Variants in KDM2A observed in about 807,000 individuals in gnomAD.
KDM2A encodes the protein lysine-specific demethylase 2A.
In KDM2A, 3 loss-of-function variants were observed where a neutral mutation model predicts 137.3. That is an observed-to-expected ratio of 0.02 (90% confidence interval 0.01 to 0.06). The LOEUF is 0.06. Ranked by LOEUF, KDM2A falls within the 10% of genes least tolerant of loss-of-function variation. KDM2A has a pLI of 1.00. For missense variants in KDM2A, 738 were observed against 1,510.6 expected (o/e 0.49, Z 8.48); for synonymous variants, 512 against 541.5 (o/e 0.95, Z 0.76).
intron 1 of KDM2A, among the ~76,000 whole-genome samples, chr11:67,120,334 C>T (rs982584830): frequency 6.6e-6 from 1 of 152,180 alleles, no homozygotes; most frequent in African/African-American, 2.4e-5. Flanking sequence ...GTCATCGGGT[C>T]CTCTGGTCTC....
chr11:67,191,601 C>T (rs1490147197), intron 5 of KDM2A, among the ~76,000 whole-genome samples: 1 of 152,168 alleles, frequency 6.6e-6, no homozygotes, highest in African/African-American at 2.4e-5. Flanking sequence ...ACATGATCAT[C>T]TCAATTGACA....
At chr11:67,134,717 C>A (rs1855934060) in intron 2 of KDM2A, among the ~76,000 whole-genome samples, 1 of 152,048 alleles carries the variant, frequency 6.6e-6, no homozygotes, top group African/African-American at 2.4e-5. Flanking sequence ...GTTGACTAGG[C>A]TGGTCTCGAA....
intron 12 of KDM2A, among the ~76,000 whole-genome samples, chr11:67,234,295 G>C (rs774319441): frequency 3.9e-5 from 6 of 152,190 alleles, no homozygotes; most frequent in Non-Finnish European, 8.8e-5. Context: ...GGTGCTTATA[G>C]CACTGATGGC....
At position 67,181,458 on chromosome 11, in the gene KDM2A, A is replaced by G. The variant is rs1169276818; in HGVS notation, c.260+60A>G. On this transcript the variant is annotated intron_variant, in intron 4 of 20. Transcript: ENST00000529006. The stretch of plus-strand genomic sequence containing the variant: ...AAATGGCCTCGTTACACCCAGGGCA[A>G]TAAACAGTGGTGGTATTGATAACCC... The G allele has an allele frequency of 1.1e-5, 12 of 1,111,458 alleles. No homozygotes were observed. The African/African-American group carries it at 1.5e-4, about 14-fold the overall frequency. The allele number at this position is 1,111,458 out of a possible 1,614,324, so 68.8% of individuals were successfully genotyped here. A position where few individuals can be genotyped will look rare whatever the true frequency, so the allele number is the denominator to read the frequency against.
intron 5 of KDM2A, among the ~76,000 whole-genome samples, chr11:67,198,479 T>C (rs1429791436): frequency 2.0e-5 from 3 of 152,042 alleles, no homozygotes; most frequent in Non-Finnish European, 4.4e-5. Flanking sequence ...TCCCAGCACT[T>C]TGGGAGGCCG....
Position 67,246,113 on chromosome 11 carries a change from C to T in KDM2A, c.1962C>T (p.Leu654=), listed in dbSNP as rs747401008. 6.5e-5 allele frequency: 105 copies of T among 1,613,640 alleles called. No individual in the cohort carries two copies. The highest frequency in any genetic ancestry group is 8.3e-5 in the Non-Finnish European group (98 of 1,179,794). The stretch of plus-strand genomic sequence containing the variant: ...ATGAGATTGTTCATCCTGGCTGCCT[C>T]CAGGTGAGGAGAGCTATGAGGGGTT... ...ICNEIVHPGC[L]QMDGEGLLNE... Residue 654 remains leucine, a synonymous_variant, in exon 15 of 21, where the codon CTC becomes CTT. Transcript: ENST00000529006.
intron 2 of KDM2A, among the ~76,000 whole-genome samples, chr11:67,142,749 ATTTG>A (rs1397886393): frequency 6.6e-6 from 1 of 151,920 alleles, no homozygotes; most frequent in Non-Finnish European, 1.5e-5. Flanking sequence ...TCAATTATGT[ATTTG>A]TTTTTCTGTG....
In KDM2A at chr11:67,253,614, A is replaced by G. The variant is rs368728916; in HGVS notation, c.3091+3A>G. ...TACTCCACCGGCTGATAAACCAGGTATGCTCTGGACCTGACTTCTCTGTGC... is the reference window on the plus strand; with the variant it reads ...TACTCCACCGGCTGATAAACCAGGTGTGCTCTGGACCTGACTTCTCTGTGC... On this transcript the variant is annotated splice_donor_region_variant and intron_variant, in intron 19 of 20. Transcript: ENST00000529006. 1.1e-5 allele frequency: 17 copies of G among 1,613,724 alleles called. No homozygotes were observed. The African/African-American group carries it at 1.6e-4, about 15-fold the overall frequency.
At chr11:67,159,329 A>G (rs1856586418) in intron 2 of KDM2A, among the ~76,000 whole-genome samples, 1 of 152,148 alleles carries the variant, frequency 6.6e-6, no homozygotes. Context: ...AATTATCTGT[A>G]GTTACATGAG....
chr11:67,245,692 G>C lies in KDM2A; in HGVS notation c.1833+234G>C. 2 of 613,094 alleles carry C rather than the reference G, an allele frequency of 3.3e-6. No individual in the cohort carries two copies. Among genetic ancestry groups the C allele is most frequent in the South Asian group, 4.3e-5 (2 of 46,648 alleles). 38.0% of individuals were successfully genotyped at this position (613,094 alleles called of 1,614,324 possible). ...ATTTTCAAACAAGAGATTAGCATTT[G>C]AAGGGCAAATCATTGCTTTCTTTCC... On this transcript the variant is annotated intron_variant, in intron 14 of 20. Transcript: ENST00000529006. This position sits in a 1 kb window ranked among gnomAD's most constrained non-coding sequence, Gnocchi z 4.1.
At chr11:67,139,184 G>C (rs1475740831) in intron 2 of KDM2A, among the ~76,000 whole-genome samples, 1 of 150,532 alleles carries the variant, frequency 6.6e-6, no homozygotes, top group Non-Finnish European at 1.5e-5. Flanking sequence ...AACCAAGCCA[G>C]GGCAAGTAAG....
At chr11:67,201,557 C>G (rs994075830) in intron 5 of KDM2A, among the ~76,000 whole-genome samples, 5 of 151,718 alleles carry the variant, frequency 3.3e-5, no homozygotes, top group Non-Finnish European at 7.4e-5. Context: ...GATCACAAGT[C>G]AGGGGTACAA....
chr11:67,216,391 G>A (rs1858161212), intron 8 of KDM2A, among the ~76,000 whole-genome samples: 1 of 152,184 alleles, frequency 6.6e-6, no homozygotes, highest in Non-Finnish European at 1.5e-5. Flanking sequence ...GCCAAAGGAA[G>A]CCTTTAAGTC....
intron 5 of KDM2A, among the ~76,000 whole-genome samples, chr11:67,206,756 C>T (rs1857817147): frequency 6.6e-6 from 1 of 152,162 alleles, no homozygotes. Context: ...AATAAACAAA[C>T]TTAGGTCTCT....
In KDM2A at chr11:67,244,112, G is replaced by A. The variant is rs920292899; in HGVS notation, c.1563+1020G>A. ...AGTATATTTAGAGAATCACCTCCTC[G>A]TCCCTAGTGGGAGGAGTCCTGCTTG... On this transcript the variant is annotated intron_variant, in intron 13 of 20. Coordinates refer to ENST00000529006, the MANE Select transcript of KDM2A (RefSeq NM_012308.3). 5.9e-5 allele frequency among the ~76,000 whole-genome samples: 9 copies of A among 152,170 alleles called. 1 individual carries two copies. Among genetic ancestry groups the A allele is most frequent in the Non-Finnish European group, 1.2e-4 (8 of 68,044 alleles).
At chr11:67,162,485 A>G (rs1055891844) in intron 2 of KDM2A, among the ~76,000 whole-genome samples, 1 of 152,086 alleles carries the variant, frequency 6.6e-6, no homozygotes, top group Non-Finnish European at 1.5e-5. Flanking sequence ...GCTCACTGCA[A>G]CCTTCATCTC....
At chr11:67,196,374 A>C (rs1401775507) in intron 5 of KDM2A, 4 of 455,926 alleles carry the variant, frequency 8.8e-6, no homozygotes, top group Non-Finnish European at 1.8e-5. Context: ...TCCTGGACTC[A>C]AGCGATCTTC....
At chr11:67,140,421 G>GC (rs979389351) in intron 2 of KDM2A, among the ~76,000 whole-genome samples, 1 of 151,864 alleles carries the variant, frequency 6.6e-6, no homozygotes, top group African/African-American at 2.4e-5. Flanking sequence ...ACCACCCTGA[G>GC]CAACATAGCA....
chr11:67,245,803 G>A lies in KDM2A; in HGVS notation c.1834-182G>A. 1.4e-6 allele frequency: 1 copy of A among 693,514 alleles called. No individual in the cohort carries two copies. The allele number at this position is 693,514 out of a possible 1,614,324, so 43.0% of individuals were successfully genotyped here. ...TAGTCTCTGGTGCCCAGGTGGTTGA[G>A]TCCTCCTCTTCCCCAGTCATTTTTC... On this transcript the variant is annotated intron_variant, in intron 14 of 20. Coordinates refer to ENST00000529006, the MANE Select transcript of KDM2A (RefSeq NM_012308.3). The surrounding 1 kb of genome is among the most constrained non-coding windows in gnomAD (Gnocchi z 4.1).
Sources: gnomAD v4.1 joint callset for allele counts (sites outside exome capture counted in the v4.1 genomes callset) on GRCh38, gnomAD v4.1.1 for gene constraint, Gnocchi (gnomAD v3.1) non-coding constraint, MANE v1.5 for transcripts, NCBI Gene and HGNC (gene_info 2026-07-23, HGNC 2026-07-21) for gene names.